Variants in MTHFS observed in about 807,000 individuals in gnomAD.
MTHFS encodes 5-formyltetrahydrofolate cyclo-ligase.
A neutral mutation model predicts 12.7 loss-of-function variants in MTHFS; 7 were observed. The observed-to-expected ratio is 0.55, with a 90% CI of 0.31 to 1.03. MTHFS has a LOEUF of 1.03. Among genes scored for constraint, MTHFS ranks in the 50% least tolerant of loss-of-function variants. MTHFS has a pLI of 0.05. For synonymous variants in MTHFS, 100 were observed against 97.1 expected (o/e 1.03, Z -0.18); for missense variants, 252 against 258.1 (o/e 0.98, Z 0.16).
At chr15:79,882,841 A>G (rs2034319201) in intron 2 of MTHFS, among the ~76,000 whole-genome samples, 1 of 152,240 alleles carries the variant, frequency 6.6e-6, no homozygotes, top group Non-Finnish European at 1.5e-5. Context: ...GAGAGAAGAT[A>G]AGTTTCAAGG....
chr15:79,896,335 G>A lies in MTHFS; in HGVS notation c.117+537C>T, dbSNP rs2034567147. On this transcript the variant is annotated intron_variant, in intron 1 of 2. Coordinates refer to ENST00000258874, the MANE Select transcript of MTHFS (RefSeq NM_006441.4). ...TTAGTGAAGTCCAGTCAACCTCTGAGTTCTGCCCTTTGGCATCTCCACACC... is the reference window on the plus strand; with the variant it reads ...TTAGTGAAGTCCAGTCAACCTCTGAATTCTGCCCTTTGGCATCTCCACACC... 3.3e-5 allele frequency among the ~76,000 whole-genome samples: 5 copies of A among 152,330 alleles called. No individual in the cohort carries two copies. In the South Asian group the frequency reaches 1.0e-3, roughly 32 times the overall value.
At chr15:79,892,331 G>C (rs1164009340) in intron 1 of MTHFS, among the ~76,000 whole-genome samples, 1 of 152,146 alleles carries the variant, frequency 6.6e-6, no homozygotes, top group Non-Finnish European at 1.5e-5. Flanking sequence ...AGGGGCTGGA[G>C]TGTTTTCAAA....
chr15:79,867,569 C>A (rs575331068), intron 2 of MTHFS, among the ~76,000 whole-genome samples: 2 of 147,484 alleles, frequency 1.4e-5, no homozygotes, highest in East Asian at 2.0e-4. Context: ...CATTTTTAAA[C>A]GTAGATAAAT....
intron 2 of MTHFS, among the ~76,000 whole-genome samples, chr15:79,870,129 G>GAA (rs1797293001): frequency 2.6e-5 from 4 of 152,122 alleles, no homozygotes; most frequent in Admixed American, 2.6e-4. Flanking sequence ...GTCAAGCAAT[G>GAA]AAAAAACAAG....
intron 2 of MTHFS, among the ~76,000 whole-genome samples, chr15:79,863,314 C>A (rs1419016923): frequency 6.6e-6 from 1 of 152,186 alleles, no homozygotes; most frequent in Non-Finnish European, 1.5e-5. Flanking sequence ...GCAGAACAAC[C>A]TTTCCCAAAC....
intron 2 of MTHFS, among the ~76,000 whole-genome samples, chr15:79,859,910 A>T (rs1566989717): frequency 6.6e-6 from 1 of 152,022 alleles, no homozygotes. Flanking sequence ...TTTAATATTT[A>T]AAAACACAAA....
chr15:79,852,045 T>C (rs887183380), intron 2 of MTHFS, among the ~76,000 whole-genome samples: 2 of 152,218 alleles, frequency 1.3e-5, no homozygotes, highest in African/African-American at 4.8e-5. Context: ...CTTAATCAAC[T>C]GCTGCATGCC....
intron 1 of MTHFS, among the ~76,000 whole-genome samples, chr15:79,890,400 C>T (rs1647758189): frequency 6.6e-6 from 1 of 151,460 alleles, no homozygotes; most frequent in Admixed American, 6.6e-5. Context: ...GCTGATTTTT[C>T]GTATTTTTTG....
In MTHFS at chr15:79,866,598, T is replaced by C. The variant is rs1289908027; in HGVS notation, c.380-21156A>G. 3.3e-5 allele frequency among the ~76,000 whole-genome samples: 5 copies of C among 152,154 alleles called. No homozygotes were observed. In the East Asian group the frequency reaches 9.6e-4, roughly 29 times the overall value. On this transcript the variant is annotated intron_variant, in intron 2 of 2. Transcript: ENST00000258874. Reference sequence around the variant, plus strand: ...GGGACTGCCTCCTATTCAGTGCACGTGCATACACAGAACACGAGGGCAAAC... The same window carrying C: ...GGGACTGCCTCCTATTCAGTGCACGCGCATACACAGAACACGAGGGCAAAC...
chr15:79,853,563 G>A (rs2141344013), intron 2 of MTHFS, among the ~76,000 whole-genome samples: 1 of 152,280 alleles, frequency 6.6e-6, no homozygotes, highest in Admixed American at 6.5e-5. Context: ...TATGAATAAT[G>A]CCTATCCTCC....
At chr15:79,892,022 A>G (rs943708094) in intron 1 of MTHFS, among the ~76,000 whole-genome samples, 1 of 151,840 alleles carries the variant, frequency 6.6e-6, no homozygotes, top group Non-Finnish European at 1.5e-5. Flanking sequence ...TCCATATTGA[A>G]TGGGGGCCAT....
intron 1 of MTHFS, among the ~76,000 whole-genome samples, chr15:79,896,060 T>C (rs75644753): frequency 0.023 from 3,444 of 152,304 alleles, 123 homozygotes; most frequent in African/African-American, 0.078. Context: ...TGACATTACA[T>C]AGACTAAAAA....
chr15:79,871,834 C>T (rs1041134728), intron 2 of MTHFS, among the ~76,000 whole-genome samples: 19 of 151,930 alleles, frequency 1.3e-4, no homozygotes, highest in Non-Finnish European at 2.4e-4. Context: ...AGGCCGGGCA[C>T]GGTGGCTAAT....
rs549595403 is a variant in MTHFS at position 79,844,342 on chromosome 15, T to C, written c.*868A>G. On this transcript the variant is annotated 3_prime_UTR_variant, in exon 3 of 3. Transcript: ENST00000258874. ...TGACAGGAAAATTGAAAGGAGAGAA[T>C]AGATTTAAGAGGCATTTCAGAGGCA... 2.0e-5 allele frequency: 3 copies of C among 152,192 alleles called. No homozygotes were observed. Among genetic ancestry groups the C allele is most frequent in the African/African-American group, 4.8e-5 (2 of 41,476 alleles). 9.4% of individuals were successfully genotyped at this position (152,192 alleles called of 1,614,324 possible). A position where few individuals can be genotyped will look rare whatever the true frequency, so the allele number is the denominator to read the frequency against.
At chr15:79,869,212 G>T (rs2034063063) in intron 2 of MTHFS, among the ~76,000 whole-genome samples, 1 of 152,172 alleles carries the variant, frequency 6.6e-6, no homozygotes, top group Non-Finnish European at 1.5e-5. Context: ...TCCTTACTTT[G>T]TTGTGGTATT....
intron 2 of MTHFS, among the ~76,000 whole-genome samples, chr15:79,870,754 T>C (rs1217379316): frequency 2.0e-5 from 3 of 152,180 alleles, no homozygotes; most frequent in Non-Finnish European, 4.4e-5. Context: ...AAGAAAATAA[T>C]CGAATGTCAA....
chr15:79,857,515 AC>A (rs2033831769), intron 2 of MTHFS, among the ~76,000 whole-genome samples: 1 of 152,174 alleles, frequency 6.6e-6, no homozygotes, highest in Non-Finnish European at 1.5e-5. Context: ...GCCTAAGAGG[AC>A]TCATAGCCCA....
chr15:79,878,482 T>C (rs575270149), intron 2 of MTHFS, among the ~76,000 whole-genome samples: 2 of 149,774 alleles, frequency 1.3e-5, no homozygotes, highest in South Asian at 2.2e-4. Context: ...CACATGACCA[T>C]TGCTATGCAA....
intron 1 of MTHFS, among the ~76,000 whole-genome samples, chr15:79,893,916 C>T (rs2034519696): frequency 6.6e-6 from 1 of 152,074 alleles, no homozygotes. Context: ...TAAAAAGGTA[C>T]AGTGCCAATA....
Sources: gnomAD v4.1 joint callset for allele counts (sites outside exome capture counted in the v4.1 genomes callset) on GRCh38, gnomAD v4.1.1 for gene constraint, MANE v1.5 for transcripts, NCBI Gene and HGNC (gene_info 2026-07-23, HGNC 2026-07-21) for gene names.